The following ERICH6B variants were observed in gnomAD, a reference collection of about 807,000 sequenced individuals.
The protein encoded by ERICH6B is glutamate rich 6B.
ERICH6B carries 69 observed loss-of-function variants against 80.0 expected under a neutral mutation model. The observed-to-expected ratio is 0.86, with a 90% CI of 0.71 to 1.05. ERICH6B has a LOEUF of 1.05. ERICH6B is among the 50% of genes least tolerant of loss of function. The pLI, the probability that ERICH6B is intolerant of heterozygous loss-of-function variation, is 0.00. For missense variants in ERICH6B, 754 were observed against 796.1 expected (o/e 0.95, Z 0.64); for synonymous variants, 283 against 291.9 (o/e 0.97, Z 0.31).
chr13:45,615,263 C>A (rs573868803), intron 1 of ERICH6B, among the ~76,000 whole-genome samples: 37 of 152,276 alleles, frequency 2.4e-4, no homozygotes, highest in Non-Finnish European at 4.9e-4. Flanking sequence ...GTGGGCAAGG[C>A]TGGAGTTTTC....
chr13:45,554,430 T>C (rs1874350807), intron 11 of ERICH6B, among the ~76,000 whole-genome samples: 1 of 152,242 alleles, frequency 6.6e-6, no homozygotes, highest in African/African-American at 2.4e-5. Context: ...CCTGGTGACC[T>C]GTTGGAAATG....
At chr13:45,551,821 C>T (rs1187985708) in intron 11 of ERICH6B, among the ~76,000 whole-genome samples, 2 of 152,174 alleles carry the variant, frequency 1.3e-5, no homozygotes, top group Non-Finnish European at 2.9e-5. Context: ...CTCTTGCCCT[C>T]ATTTTGCTTT....
intron 11 of ERICH6B, among the ~76,000 whole-genome samples, chr13:45,556,507 G>A (rs908510896): frequency 5.3e-5 from 8 of 152,122 alleles, no homozygotes; most frequent in African/African-American, 1.9e-4. Flanking sequence ...CACCGAAGCA[G>A]TAATCACTGA....
chr13:45,568,186 T>C lies in ERICH6B; in HGVS notation c.1187+129A>G, dbSNP rs541714471. On this transcript the variant is annotated intron_variant, in intron 9 of 14. Transcript: ENST00000298738. ...CCTGTGCTTGGCCTGTTCCTGCTCCTTGACTCAGGGAACCTGTCTGGTCCT... is the reference window on the plus strand; with the variant it reads ...CCTGTGCTTGGCCTGTTCCTGCTCCCTGACTCAGGGAACCTGTCTGGTCCT... The C allele has an allele frequency of 6.2e-5, 66 of 1,065,944 alleles. No individual in the cohort carries two copies. In the East Asian group the frequency reaches 8.5e-4, roughly 14 times the overall value. The allele number at this position is 1,065,944 out of a possible 1,614,324, so 66.0% of individuals were successfully genotyped here.
intron 5 of ERICH6B, among the ~76,000 whole-genome samples, chr13:45,586,515 C>T (rs1005207073): frequency 4.6e-5 from 7 of 152,178 alleles, no homozygotes; most frequent in South Asian, 2.1e-4. Context: ...GCAATTTTGC[C>T]GGACTCTCTC....
In ERICH6B at chr13:45,596,764, T is replaced by C; in HGVS notation, c.242A>G (p.Lys81Arg). 1 of 1,551,664 alleles carries C rather than the reference T, an allele frequency of 6.4e-7. No individual in the cohort carries two copies. The change falls in exon 3 of 15, where the codon AAG (lysine) becomes AGG (arginine). Residue 81 changes from lysine to arginine, a missense_variant. Coordinates refer to ENST00000298738, the MANE Select transcript of ERICH6B (RefSeq NM_182542.3). ...TTCCTTCCCCAGATACTCTTCCTCC[T>C]TCAAGTATTCTTCTTTCCCCAGATA... is the stretch of plus-strand genomic sequence containing the variant. ...EEYLGKEEYL[K>R]EEEYLGKEEH...
chr13:45,564,799 C>T lies in ERICH6B; in HGVS notation c.1188-1011G>A, dbSNP rs545090884. Among the ~76,000 whole-genome samples the T allele has an allele frequency of 1.5e-3, 232 of 152,302 alleles. 2 individuals carry two copies. Among genetic ancestry groups the T allele is most frequent in the African/African-American group, 4.7e-3 (196 of 41,564 alleles). On this transcript the variant is annotated intron_variant, in intron 9 of 14. Coordinates refer to ENST00000298738, the MANE Select transcript of ERICH6B (RefSeq NM_182542.3). The stretch of plus-strand genomic sequence containing the variant: ...GGAGTGGGGGCCTATCCTTTATGCT[C>T]AGAGCAGGATACCAAACACAGATAA...
At chr13:45,607,417 T>A (rs2138037757) in intron 2 of ERICH6B, 147 bp downstream of exon 2, 1 of 152,316 alleles carries the variant, frequency 6.6e-6, no homozygotes, top group South Asian at 2.1e-4. Flanking sequence ...TAAAATCCAC[T>A]TCATGGAGGT....
chr13:45,583,658 G>A (rs917106606), intron 5 of ERICH6B, among the ~76,000 whole-genome samples: 4 of 152,214 alleles, frequency 2.6e-5, no homozygotes, highest in South Asian at 2.1e-4. Context: ...TCATGGGGGC[G>A]GTTTCCCCCA....
At chr13:45,591,213 T>A (rs754511251) in intron 3 of ERICH6B, among the ~76,000 whole-genome samples, 2 of 152,066 alleles carry the variant, frequency 1.3e-5, no homozygotes, top group Non-Finnish European at 1.5e-5. Flanking sequence ...ACCAGAACAT[T>A]TGAATTGGAA....
At position 45,550,050 on chromosome 13, in the gene ERICH6B, G is replaced by A. The variant is rs2137961672; in HGVS notation, c.1494-5C>T. The A allele has an allele frequency of 6.4e-7, 1 of 1,551,408 alleles. No individual in the cohort carries two copies. The highest frequency in any genetic ancestry group is 1.4e-5 in the African/African-American group (1 of 73,162). On this transcript the variant is annotated splice_region_variant and splice_polypyrimidine_tract_variant and intron_variant, in intron 12 of 14. Transcript: ENST00000298738. The stretch of plus-strand genomic sequence containing the variant: ...GCCAGGTTTCCTGATGGATAACTGG[G>A]AGAAGGTTAAGGCACAAGTAGTCAG...
chr13:45,612,154 T>G (rs1949903507), intron 1 of ERICH6B, among the ~76,000 whole-genome samples: 2 of 152,226 alleles, frequency 1.3e-5, no homozygotes, highest in Admixed American at 1.3e-4. Context: ...TATCATTTAG[T>G]GTATTCACCA....
intron 4 of ERICH6B, among the ~76,000 whole-genome samples, chr13:45,587,939 A>T: frequency 6.6e-6 from 1 of 152,218 alleles, no homozygotes; most frequent in East Asian, 1.9e-4. Flanking sequence ...ACAAGGAAAG[A>T]TGCCTAACAT....
At chr13:45,606,534 TATATATATATATA>T (rs1386266043) in intron 2 of ERICH6B, among the ~76,000 whole-genome samples, 9 of 17,714 alleles carry the variant, frequency 5.1e-4, no homozygotes, top group East Asian at 1.2e-3. Context: ...TATATATATA[TATATATATATATA>T]TTTTTTTTTT....
chr13:45,580,234 G>A (rs1271516251), intron 6 of ERICH6B, among the ~76,000 whole-genome samples: 2 of 152,192 alleles, frequency 1.3e-5, no homozygotes, highest in African/African-American at 4.8e-5. Context: ...CTGAGAGGGT[G>A]AGATGGGTTT....
intron 4 of ERICH6B, 145 bp downstream of exon 4, chr13:45,590,504 G>T: frequency 2.9e-6 from 2 of 695,752 alleles, no homozygotes; most frequent in Non-Finnish European, 2.4e-6. Context: ...AGGCGAGCAG[G>T]GTTGTAACTT....
At chr13:45,576,274 G>A (rs984532007) in intron 7 of ERICH6B, among the ~76,000 whole-genome samples, 8 of 152,150 alleles carry the variant, frequency 5.3e-5, no homozygotes, top group Non-Finnish European at 1.2e-4. Context: ...GACTTGCCGC[G>A]TATGAGGTGG....
intron 2 of ERICH6B, among the ~76,000 whole-genome samples, chr13:45,598,657 G>T (rs2138025737): frequency 6.6e-6 from 1 of 152,230 alleles, no homozygotes; most frequent in African/African-American, 2.4e-5. Flanking sequence ...CATCACTGTT[G>T]GAGCCCTTGG....
chr13:45,599,539 A>C (rs182509606), intron 2 of ERICH6B, among the ~76,000 whole-genome samples: 1 of 152,196 alleles, frequency 6.6e-6, no homozygotes, highest in South Asian at 2.1e-4. Context: ...AACAAAAAAA[A>C]GTGTATTGGC....
Sources: allele counts gnomAD v4.1 joint callset (sites outside exome capture counted in the v4.1 genomes callset), GRCh38; gene constraint gnomAD v4.1.1; transcripts MANE v1.5; gene names NCBI Gene and HGNC (gene_info 2026-07-23, HGNC 2026-07-21).